ITGA2B: variants seen among roughly 807,000 people sequenced by gnomAD.
The protein encoded by ITGA2B is integrin subunit alpha 2b, also known as integrin alpha-IIb.
Under a neutral mutation model 142.0 loss-of-function variants are expected in ITGA2B, and 91 were observed. That is an observed-to-expected ratio of 0.64 (90% CI 0.54 to 0.76). The LOEUF is 0.76. Among genes scored for constraint, ITGA2B ranks in the 30% least tolerant of loss-of-function variants. ITGA2B has a pLI of 0.00. For synonymous variants in ITGA2B, 536 were observed against 567.2 expected, an observed-to-expected ratio of 0.94 and a Z score of 0.78; for missense variants, 1,231 against 1,350.8, an observed-to-expected ratio of 0.91 and a Z score of 1.39.
chr17:44,378,213 A>C, intron 20 of ITGA2B, 149 bp downstream of exon 20: 168 of 971,844 alleles, frequency 1.7e-4, no homozygotes, highest in Non-Finnish European at 2.1e-4. Context: ...ATTAGCAAGT[A>C]TTCCTCCTCC....
At position 44,386,138 on chromosome 17, in the gene ITGA2B, A is replaced by T. The variant is rs768163602; in HGVS notation, c.189-7T>A. 6.9e-6 allele frequency: 11 copies of T among 1,591,314 alleles called. No individual in the cohort carries two copies. The Admixed American group carries it at 1.9e-4, about 28-fold the overall frequency. Reference sequence around the variant, plus strand: ...GCCCACCACGATGGCCACTCTGCATAGGAAAGCTGGGTGAGCGCCGCGCAG... The same window carrying T: ...GCCCACCACGATGGCCACTCTGCATTGGAAAGCTGGGTGAGCGCCGCGCAG... On this transcript the variant is annotated splice_polypyrimidine_tract_variant and splice_region_variant and intron_variant, in intron 1 of 29. Transcript: ENST00000262407.
chr17:44,376,928 G>A (rs2048549250), intron 22 of ITGA2B, 81 bp downstream of exon 22: 1 of 1,145,340 alleles, frequency 8.7e-7, no homozygotes, highest in Non-Finnish European at 1.3e-6. Flanking sequence ...AGACCCTTCT[G>A]TATGGAAGGG....
intron 21 of ITGA2B, 100 bp from the exon 22 acceptor site, chr17:44,377,188 T>G: frequency 2.3e-6 from 2 of 851,248 alleles, no homozygotes; most frequent in Non-Finnish European, 1.9e-6. Flanking sequence ...AGATCACCAC[T>G]ATTCTTTTTC....
chr17:44,380,399 T>C lies in ITGA2B; in HGVS notation c.1531A>G (p.Thr511Ala), dbSNP rs372778024. The C allele has an allele frequency of 5.0e-6, 8 of 1,613,962 alleles. No homozygotes were observed. Among genetic ancestry groups the C allele is most frequent in the Non-Finnish European group, 5.9e-6 (7 of 1,180,020 alleles). The change falls in exon 15 of 30, where the codon ACA (threonine) becomes GCA (alanine). Residue 511 changes from threonine (T) to alanine (A), a missense_variant. Coordinates refer to ENST00000262407, the MANE Select transcript of ITGA2B (RefSeq NM_000419.5). ...CTGCCTCCTCACCAGCTCACGGGTGTCTTGGTCTGAGGTAGGACACAGCTC... is the reference window on the plus strand; with the variant it reads ...CTGCCTCCTCACCAGCTCACGGGTGCCTTGGTCTGAGGTAGGACACAGCTC... ...VKSCVLPQTK[T>A]PVSCFNIQMC...
chr17:44,378,305 G>C (rs547730616), intron 20 of ITGA2B, 57 bp downstream of exon 20: 2 of 1,572,152 alleles, frequency 1.3e-6, no homozygotes, highest in Non-Finnish European at 1.7e-6. Flanking sequence ...AGATGAGAGA[G>C]CCAAGGCTCC....
intron 12 of ITGA2B, among the ~76,000 whole-genome samples, chr17:44,382,034 C>T (rs1297697796): frequency 2.0e-5 from 3 of 152,184 alleles, no homozygotes; most frequent in Non-Finnish European, 4.4e-5. Context: ...AGGCAGCCCA[C>T]TGTTATGCTA....
intron 21 of ITGA2B, among the ~76,000 whole-genome samples, chr17:44,377,487 C>T (rs1432424470): frequency 4.6e-5 from 7 of 152,158 alleles, no homozygotes; most frequent in South Asian, 2.1e-4. Context: ...AGCCACCGCA[C>T]CAGGCCACCA....
In ITGA2B at chr17:44,374,375, G is replaced by A. The variant is rs779401757; in HGVS notation, c.3039C>T (p.Ile1013=). 3 of 1,614,126 alleles carry A rather than the reference G, an allele frequency of 1.9e-6. No individual in the cohort carries two copies. The South Asian group carries it at 3.3e-5, about 18-fold the overall frequency. ...GVLGGLLLLT[I]LVLAMWKVGF... ...TCACCTTCCACATGGCCAGGACCAG[G>A]ATGGTGAGCAGCAGCAGGCCACCCA... The change falls in exon 29 of 30, where the codon ATC becomes ATT. Residue 1013 remains isoleucine (I), a synonymous_variant. Transcript: ENST00000262407.
rs1426299917 is a variant in ITGA2B, at chr17:44,380,907, G to C, written c.1365C>G (p.Ala455=). The change falls in exon 13 of 30, where the codon GCC becomes GCG. Residue 455 remains alanine (A), a synonymous_variant. Transcript: ENST00000262407. ...GGTATCCGTTGTCATCGATGTCTAC[G>C]GCACCTCGAAGGGAGAAGCCAAAGG... ...GSAFGFSLRG[A]VDIDDNGYPD... is the part of the protein sequence containing the mutation. 3 of 1,614,212 alleles carry C rather than the reference G, an allele frequency of 1.9e-6. No individual in the cohort carries two copies. The highest frequency in any genetic ancestry group is 2.7e-5 in the African/African-American group (2 of 75,052).
rs769022071 is a variant in ITGA2B at position 44,374,647 on chromosome 17, C to G, written c.2943+12G>C. 3.7e-6 allele frequency: 6 copies of G among 1,610,092 alleles called. No homozygotes were observed. In the East Asian group the frequency reaches 1.3e-4, roughly 36 times the overall value. On this transcript the variant is annotated intron_variant, in intron 28 of 29. Coordinates refer to ENST00000262407, the MANE Select transcript of ITGA2B (RefSeq NM_000419.5). The stretch of plus-strand genomic sequence containing the variant: ...TGCAGGACTGGTCTCTGCTCCATCC[C>G]CCCACACTCACCTGAGCTTCCCCTC...
intron 1 of ITGA2B, among the ~76,000 whole-genome samples, chr17:44,389,034 C>G (rs2048675664): frequency 6.6e-6 from 1 of 152,040 alleles, no homozygotes; most frequent in Admixed American, 6.6e-5. Flanking sequence ...AAAAATAAAG[C>G]ATCAACTCTT....
rs2048504489 is a variant in ITGA2B at position 44,372,372 on chromosome 17, C to T, written c.3112G>A (p.Gly1038Arg). ...RPPLEEDDEE[G>R]E ...TAGTGTAGGCTGCACCATCACTCCC[C>T]CTCTTCATCATCTTCTTCCAGGGGT... The change falls in exon 30 of 30, where the codon GGG (glycine) becomes AGG (arginine). Residue 1038 changes from glycine (G) to arginine (R), a missense_variant. This residue lies in a region of ITGA2B where 908 missense variants were observed against 1,021.1 expected (regional missense o/e 0.89). Transcript: ENST00000262407. The T allele has an allele frequency of 6.2e-7, 1 of 1,613,982 alleles. No individual in the cohort carries two copies. The highest frequency in any genetic ancestry group is 1.1e-5 in the South Asian group (1 of 91,090).
At chr17:44,377,477 A>G (rs2048555394) in intron 21 of ITGA2B, among the ~76,000 whole-genome samples, 1 of 152,104 alleles carries the variant, frequency 6.6e-6, no homozygotes, top group Admixed American at 6.5e-5. Flanking sequence ...TACAGGCGTG[A>G]GCCACCGCAC....
In ITGA2B at chr17:44,380,951, G is replaced by A. The variant is rs1248600377; in HGVS notation, c.1321C>T (p.Pro441Ser). ...CCAAAGGCAGAGCCTGTGGGGAAGG[G>A]GCTGTCCAGGACCTGGGAGGGACGT... Reference protein sequence around the residue: ...RSRPSQVLDSPFPTGSAFGFS... With the variant: ...RSRPSQVLDSSFPTGSAFGFS... The change falls in exon 13 of 30, where the codon CCC becomes TCC. Residue 441 changes from proline to serine, a missense_variant. Transcript: ENST00000262407. 6.2e-7 allele frequency: 1 copy of A among 1,614,242 alleles called. No individual in the cohort carries two copies. The highest frequency in any genetic ancestry group is 1.7e-5 in the Admixed American group (1 of 60,028).
rs750714881 is a variant in ITGA2B, at chr17:44,378,374, T to C, written c.2082A>G (p.Leu694=). The change falls in exon 20 of 30, where the codon CTA becomes CTG. Residue 694 remains leucine (L), a synonymous_variant. Transcript: ENST00000262407. ...LPQGAHYMRA[L]SNVEGFERLI... is the part of the protein sequence containing the mutation. Reference sequence around the variant, plus strand: ...GTGGGGGCCATACCTCGACATTGCTTAGGGCCCGCATGTAGTGGGCGCCCT... The same window carrying C: ...GTGGGGGCCATACCTCGACATTGCTCAGGGCCCGCATGTAGTGGGCGCCCT... 5.0e-6 allele frequency: 8 copies of C among 1,612,172 alleles called. No individual in the cohort carries two copies. The Admixed American group carries it at 1.0e-4, about 20-fold the overall frequency.
Position 44,379,673 on chromosome 17 carries a change from C to T in ITGA2B, c.1878+16G>A. The T allele has an allele frequency of 6.2e-7, 1 of 1,613,852 alleles. No individual in the cohort carries two copies. Among genetic ancestry groups the T allele is most frequent in the Non-Finnish European group, 8.5e-7 (1 of 1,180,032 alleles). ...GGGGTCCTGCACCTCCCTGGCCTGT[C>T]CCTGCCTGTCCCTACCTGCTCCTGC... On this transcript the variant is annotated intron_variant, in intron 18 of 29. Transcript: ENST00000262407.
In ITGA2B at chr17:44,386,136, A is replaced by C. The variant is rs1302560709; in HGVS notation, c.189-5T>G. On this transcript the variant is annotated splice_polypyrimidine_tract_variant and splice_region_variant and intron_variant, in intron 1 of 29. Transcript: ENST00000262407. ...GCGCCCACCACGATGGCCACTCTGC[A>C]TAGGAAAGCTGGGTGAGCGCCGCGC... 3 of 1,592,510 alleles carry C rather than the reference A, an allele frequency of 1.9e-6. No homozygotes were observed. The highest frequency in any genetic ancestry group is 1.3e-5 in the African/African-American group (1 of 74,666).
rs143860806 is a variant in ITGA2B at position 44,375,756 on chromosome 17, G to A, written c.2602-40C>T. 3,531 of 1,557,792 alleles carry A rather than the reference G, an allele frequency of 2.3e-3. 9 individuals are homozygous for A. The highest frequency in any genetic ancestry group is 2.9e-3 in the Non-Finnish European group (3,286 of 1,150,348). The stretch of plus-strand genomic sequence containing the variant: ...GAGTGGTCAGGCCCAGGTCTCCCCC[G>A]AACCCCAGCCCACAGAGGTGCCCCG... On this transcript the variant is annotated intron_variant, in intron 25 of 29. Transcript: ENST00000262407.
chr17:44,379,190 G>A (rs1441222338), intron 18 of ITGA2B, among the ~76,000 whole-genome samples: 16 of 148,738 alleles, frequency 1.1e-4, no homozygotes, highest in African/African-American at 3.7e-4. Flanking sequence ...TCCTGACCTC[G>A]TGATCCACCC....
Sources: gnomAD v4.1 joint callset for allele counts (sites outside exome capture counted in the v4.1 genomes callset) on GRCh38, gnomAD v4.1.1 for gene constraint, gnomAD v4.1.1 regional missense constraint, MANE v1.5 for transcripts, NCBI Gene and HGNC (gene_info 2026-07-23, HGNC 2026-07-21) for gene names.